CRPPA: variants seen among roughly 807,000 people sequenced by gnomAD.
The protein encoded by CRPPA is CDP-L-ribitol pyrophosphorylase A.
In CRPPA, 43 loss-of-function variants were observed where a neutral mutation model predicts 52.0. That is an observed-to-expected ratio of 0.83 (90% confidence interval 0.65 to 1.07). CRPPA has a LOEUF of 1.07. Ranked by LOEUF, CRPPA falls within the 50% of genes least tolerant of loss-of-function variation. The pLI, the probability that CRPPA is intolerant of heterozygous loss-of-function variation, is 0.00. For missense variants in CRPPA, 629 were observed against 551.7 expected (o/e 1.14, Z -1.40); for synonymous variants, 250 against 203.5 (o/e 1.23, Z -1.94).
At chr7:16,290,661 A>G (rs1360558502) in intron 5 of CRPPA, among the ~76,000 whole-genome samples, 1 of 152,098 alleles carries the variant, frequency 6.6e-6, no homozygotes, top group Non-Finnish European at 1.5e-5. Context: ...GGTTAAAGAT[A>G]TAAATGTAAG....
intron 6 of CRPPA, among the ~76,000 whole-genome samples, chr7:16,261,617 G>A (rs535758845): frequency 1.3e-4 from 20 of 151,490 alleles, no homozygotes; most frequent in African/African-American, 3.6e-4. Context: ...AAGAAAAGCC[G>A]TAACATTTTT....
rs987257843 is a variant in CRPPA at position 16,365,409 on chromosome 7, T to C, written c.684+10683A>G. Among the ~76,000 whole-genome samples the C allele has an allele frequency of 2.6e-5, 4 of 152,332 alleles. No homozygotes were observed. The East Asian group carries it at 7.7e-4, about 29-fold the overall frequency. ...TGTAATCATCATCTTACATCAGTAC[T>C]TAAGCCTTGCCTAAGGCTCTATTTG... On this transcript the variant is annotated intron_variant, in intron 3 of 9. Transcript: ENST00000407010.
chr7:16,103,780 A>T (rs1244716087), intron 9 of CRPPA, among the ~76,000 whole-genome samples: 1 of 152,174 alleles, frequency 6.6e-6, no homozygotes, highest in East Asian at 1.9e-4. Flanking sequence ...TCCAGAACAT[A>T]TGATAACTTA....
intron 5 of CRPPA, among the ~76,000 whole-genome samples, chr7:16,286,706 A>G (rs963001631): frequency 2.0e-5 from 3 of 152,178 alleles, no homozygotes; most frequent in African/African-American, 7.2e-5. Context: ...CACAGGCAAC[A>G]ATCATCAAGG....
chr7:16,417,704 C>A lies in CRPPA; in HGVS notation c.257+3362G>T, dbSNP rs1212257135. Among the ~76,000 whole-genome samples, 4 of 152,162 alleles carry A rather than the reference C, an allele frequency of 2.6e-5. No homozygotes were observed. In the East Asian group the frequency reaches 5.8e-4, roughly 22 times the overall value. On this transcript the variant is annotated intron_variant, in intron 1 of 9. Transcript: ENST00000407010. The stretch of plus-strand genomic sequence containing the variant: ...ACACTCATTACATGGGTGATGGGAT[C>A]AATCATACCCTAAACTTCAGCATCA...
At chr7:16,353,203 A>G (rs1231841404) in intron 3 of CRPPA, among the ~76,000 whole-genome samples, 13 of 151,950 alleles carry the variant, frequency 8.6e-5, no homozygotes, top group Non-Finnish European at 1.5e-5. Flanking sequence ...TAAAAAATAC[A>G]ATTAGCCAGG....
chr7:16,288,294 G>C (rs187632672), intron 5 of CRPPA, among the ~76,000 whole-genome samples: 205 of 151,160 alleles, frequency 1.4e-3, no homozygotes, highest in Middle Eastern at 3.4e-3. Flanking sequence ...TTATTTTAGA[G>C]AAATAAAAAA....
intron 9 of CRPPA, among the ~76,000 whole-genome samples, chr7:16,210,234 C>T (rs1255196562): frequency 6.6e-6 from 1 of 152,102 alleles, no homozygotes; most frequent in Non-Finnish European, 1.5e-5. Context: ...CCCTATAAAT[C>T]CCTTAATCTT....
intron 1 of CRPPA, among the ~76,000 whole-genome samples, chr7:16,410,433 C>A (rs1788053444): frequency 6.6e-6 from 1 of 152,180 alleles, no homozygotes; most frequent in African/African-American, 2.4e-5. Context: ...AGTGACAGTT[C>A]TTCAATCCCT....
At position 16,154,555 on chromosome 7, in the gene CRPPA, A is replaced by G. The variant is rs115005520; in HGVS notation, c.1251+61511T>C. 6.7e-3 allele frequency among the ~76,000 whole-genome samples: 1,023 copies of G among 152,310 alleles called. 13 individuals carry two copies. Among genetic ancestry groups the G allele is most frequent in the African/African-American group, 0.024 (980 of 41,562 alleles). Reference sequence around the variant, plus strand: ...AATAAAACTAAACTTCTGTTACACAATTCTAAGAATAAAAAATGTGTGCCC... The same window carrying G: ...AATAAAACTAAACTTCTGTTACACAGTTCTAAGAATAAAAAATGTGTGCCC... On this transcript the variant is annotated intron_variant, in intron 9 of 9. Transcript: ENST00000407010.
At chr7:16,243,639 A>G (rs1181692939) in intron 8 of CRPPA, among the ~76,000 whole-genome samples, 1 of 152,186 alleles carries the variant, frequency 6.6e-6, no homozygotes, top group Non-Finnish European at 1.5e-5. Flanking sequence ...ATTTTTAGAA[A>G]TCTAGAAGTA....
At chr7:16,248,538 G>T (rs1783343736) in intron 8 of CRPPA, among the ~76,000 whole-genome samples, 2 of 152,282 alleles carry the variant, frequency 1.3e-5, no homozygotes, top group Middle Eastern at 3.4e-3. Flanking sequence ...GGCTAAATTT[G>T]AAAGGGGAGT....
chr7:16,232,237 A>G (rs1342374573), intron 8 of CRPPA, among the ~76,000 whole-genome samples: 1 of 152,206 alleles, frequency 6.6e-6, no homozygotes, highest in Non-Finnish European at 1.5e-5. Flanking sequence ...TATGGTTTAA[A>G]TTTCCCTACC....
intron 3 of CRPPA, among the ~76,000 whole-genome samples, chr7:16,323,845 C>G (rs1033094675): frequency 5.9e-5 from 9 of 152,124 alleles, no homozygotes; most frequent in Non-Finnish European, 1.3e-4. Context: ...GCACATCACA[C>G]AAATATATTA....
In CRPPA at chr7:16,216,171, T is replaced by C. The variant is rs746837359; in HGVS notation, c.1146A>G (p.Val382=). Residue 382 remains valine, a synonymous_variant, in exon 9 of 10, where the codon GTA becomes GTG. Transcript: ENST00000407010. ...GGTTTTCCATTTTCTGACTGGGAGGTACTAATTTAAAATCAAGAAAATGAA... is the reference window on the plus strand; with the variant it reads ...GGTTTTCCATTTTCTGACTGGGAGGCACTAATTTAAAATCAAGAAAATGAA... The part of the protein sequence containing the change: ...VSVHFLDFKL[V]PPSQKMENLM... 4.4e-6 allele frequency: 7 copies of C among 1,583,924 alleles called. No homozygotes were observed. In the Admixed American group the frequency reaches 6.9e-5, roughly 16 times the overall value.
At chr7:16,093,683 A>G (rs1478810824) in intron 9 of CRPPA, among the ~76,000 whole-genome samples, 1 of 152,196 alleles carries the variant, frequency 6.6e-6, no homozygotes, top group Non-Finnish European at 1.5e-5. Context: ...AAAAAACTAT[A>G]TATGTTTGGA....
chr7:16,101,626 G>A (rs34069642), intron 9 of CRPPA, among the ~76,000 whole-genome samples: 28,158 of 151,184 alleles, frequency 0.19, 3,271 homozygotes, highest in South Asian at 0.43. Context: ...GCAAAGTCTC[G>A]GGATAGAAAA....
Position 16,421,448 on chromosome 7 carries a change from A to T in CRPPA, c.-126T>A. 1.0e-6 allele frequency: 1 copy of T among 973,688 alleles called. No homozygotes were observed. Among genetic ancestry groups the T allele is most frequent in the Non-Finnish European group, 1.3e-6 (1 of 760,574 alleles). 60.3% of individuals were successfully genotyped at this position (973,688 alleles called of 1,614,324 possible). On this transcript the variant is annotated 5_prime_UTR_variant, in exon 1 of 10. Transcript: ENST00000407010. ...AGAGGGACGCAGAGCGCGCAAGCAG[A>T]AGGCGCCCCCCTCAGCCGTCGGAGC...
At chr7:16,141,390 T>C (rs1280796939) in intron 9 of CRPPA, among the ~76,000 whole-genome samples, 1 of 152,216 alleles carries the variant, frequency 6.6e-6, no homozygotes, top group Non-Finnish European at 1.5e-5. Context: ...TTTCCATCTA[T>C]TCTTCTGTAA....
Sources: allele counts gnomAD v4.1 joint callset (sites outside exome capture counted in the v4.1 genomes callset), GRCh38; gene constraint gnomAD v4.1.1; transcripts MANE v1.5; gene names NCBI Gene and HGNC (gene_info 2026-07-23, HGNC 2026-07-21).